RNF144A: variants seen among roughly 807,000 people sequenced by gnomAD.
RNF144A encodes ring finger protein 144A.
Under a neutral mutation model 38.7 loss-of-function variants are expected in RNF144A, and 11 were observed. The ratio of observed to expected loss-of-function variants is 0.28; its 90% CI spans 0.18 to 0.47. The LOEUF is 0.47. Among genes scored for constraint, RNF144A ranks in the 20% least tolerant of loss-of-function variants. The pLI, the probability that RNF144A is intolerant of heterozygous loss-of-function variation, is 0.99. For missense variants in RNF144A, 316 were observed against 377.2 expected (o/e 0.84, Z 1.34); for synonymous variants, 149 against 143.9 (o/e 1.04, Z -0.25).
intron 2 of RNF144A, among the ~76,000 whole-genome samples, chr2:6,969,802 C>T (rs1355493741): frequency 1.3e-5 from 2 of 152,166 alleles, no homozygotes; most frequent in Admixed American, 1.3e-4. Flanking sequence ...CGCTGTGTCG[C>T]CTAGGCTGGA....
At chr2:6,989,513 C>CT (rs1366834638) in intron 2 of RNF144A, among the ~76,000 whole-genome samples, 1 of 152,208 alleles carries the variant, frequency 6.6e-6, no homozygotes, top group Non-Finnish European at 1.5e-5. Context: ...TGGTCAGCAC[C>CT]TTTCCCCCAC....
chr2:7,049,902 A>AG, intron 6 of RNF144A, among the ~76,000 whole-genome samples: 1 of 152,356 alleles, frequency 6.6e-6, no homozygotes, highest in East Asian at 1.9e-4. Flanking sequence ...TAGGAGGGAA[A>AG]GCAGTCCAAA....
At chr2:7,055,058 T>C (rs1374776649) in intron 6 of RNF144A, among the ~76,000 whole-genome samples, 6 of 152,184 alleles carry the variant, frequency 3.9e-5, no homozygotes, top group African/African-American at 1.4e-4. Context: ...ATTGACAGGC[T>C]GGCACCTCCT....
chr2:6,942,136 T>TAC (rs1666033112), intron 2 of RNF144A, among the ~76,000 whole-genome samples: 2 of 152,316 alleles, frequency 1.3e-5, no homozygotes, highest in South Asian at 4.1e-4. Context: ...AGGACAAGGC[T>TAC]ACAGTCCAGG....
chr2:7,047,278 CTGTG>C (rs1673345030), downstream of RNF144A, among the ~76,000 whole-genome samples: 1 of 151,934 alleles, frequency 6.6e-6, no homozygotes, highest in African/African-American at 2.4e-5. Context: ...ATGTGTGTGA[CTGTG>C]TGTATGAATG....
At position 6,941,271 on chromosome 2, in the gene RNF144A, C is replaced by G. The variant is rs1665956768; in HGVS notation, c.-12+124C>G. 1 of 152,184 alleles carries G rather than the reference C, an allele frequency of 6.6e-6. No individual in the cohort carries two copies. Among genetic ancestry groups the G allele is most frequent in the Non-Finnish European group, 1.5e-5 (1 of 68,040 alleles). 9.4% of individuals were successfully genotyped at this position (152,184 alleles called of 1,614,324 possible). The stretch of plus-strand genomic sequence containing the variant: ...GGTGGATTTTTCTATACCTGTTAAG[C>G]CATACCATAAAGGCAATTTTCTAGT... On this transcript the variant is annotated intron_variant, in intron 2 of 8. Transcript: ENST00000320892. This position sits in a 1 kb window ranked among gnomAD's most constrained non-coding sequence, Gnocchi z 6.5.
chr2:7,067,902 C>T (rs1464001106), intron 6 of RNF144A, among the ~76,000 whole-genome samples: 1 of 152,164 alleles, frequency 6.6e-6, no homozygotes, highest in Non-Finnish European at 1.5e-5. Flanking sequence ...TCTCATTGTC[C>T]ATCATCCCCA....
intron 2 of RNF144A, among the ~76,000 whole-genome samples, chr2:6,983,687 T>C (rs1371253954): frequency 2.6e-5 from 4 of 152,168 alleles, no homozygotes; most frequent in African/African-American, 4.8e-5. Flanking sequence ...AATCCTCCTG[T>C]GTGGGCCCCC....
rs147610667 is a variant in RNF144A, at chr2:6,985,700, T to C, written c.-11-11216T>C. Among the ~76,000 whole-genome samples the C allele has an allele frequency of 3.5e-3, 534 of 152,266 alleles. 1 individual carries two copies. Among genetic ancestry groups the C allele is most frequent in the Non-Finnish European group, 5.8e-3 (393 of 68,036 alleles). On this transcript the variant is annotated intron_variant, in intron 2 of 8. Transcript: ENST00000320892. ...TTTATCTTTTGTTCTTGAGACGGAGTCTTGCTCTGTTGCACAGGCTGGAGT... is the reference window on the plus strand; with the variant it reads ...TTTATCTTTTGTTCTTGAGACGGAGCCTTGCTCTGTTGCACAGGCTGGAGT...
rs1041042930 is a variant in RNF144A at position 6,939,191 on chromosome 2, A to T, written c.-211-1757A>T. On this transcript the variant is annotated intron_variant, in intron 1 of 8. Transcript: ENST00000320892. ...TCCTAAAGCAGCTGCACCACTTTAC[A>T]TTCTCCCCAGCAATGTGTAAGGGTT... 2.7e-4 allele frequency among the ~76,000 whole-genome samples: 41 copies of T among 152,260 alleles called. 1 individual carries two copies. Among genetic ancestry groups the T allele is most frequent in the Admixed American group, 2.4e-3 (36 of 15,296 alleles).
chr2:6,973,543 G>A (rs765476957), intron 2 of RNF144A, among the ~76,000 whole-genome samples: 31 of 152,200 alleles, frequency 2.0e-4, no homozygotes, highest in Non-Finnish European at 3.4e-4. Context: ...CTGGCAGCAC[G>A]GTGCACACTG....
intron 1 of RNF144A, chr2:6,918,649 A>C (rs1357527348): frequency 6.7e-6 from 1 of 149,880 alleles, no homozygotes; most frequent in Non-Finnish European, 1.5e-5. Context: ...CTGTAGTCCC[A>C]GCTACTCGGG....
chr2:6,972,538 G>A (rs141894713), intron 2 of RNF144A, among the ~76,000 whole-genome samples: 229 of 152,316 alleles, frequency 1.5e-3, no homozygotes, highest in African/African-American at 5.2e-3. Context: ...CTGTGGGATT[G>A]GAAGATTCCC....
intron 6 of RNF144A, among the ~76,000 whole-genome samples, chr2:7,021,885 G>C (rs1485030618): frequency 1.3e-5 from 2 of 152,246 alleles, no homozygotes; most frequent in Non-Finnish European, 2.9e-5. Flanking sequence ...TTTGGAGCCT[G>C]ATGACTTAGT....
At position 7,024,418 on chromosome 2, in the gene RNF144A, A is replaced by C. The variant is rs1376989454; in HGVS notation, c.559A>C (p.Lys187Gln). ...TGACGCGCCCATCAAGCGCTGCCCC[A>C]AGTGCAAAGTCTACATCGAGCGAGA... ...EDDAPIKRCP[K>Q]CKVYIERDEG... The change falls in exon 7 of 9, where the codon AAG becomes CAG. Residue 187 changes from lysine (K) to glutamine (Q), a missense_variant. Coordinates refer to ENST00000320892, the MANE Select transcript of RNF144A (RefSeq NM_014746.6). The C allele has an allele frequency of 1.2e-6, 2 of 1,612,478 alleles. No individual in the cohort carries two copies. The highest frequency in any genetic ancestry group is 1.7e-6 in the Non-Finnish European group (2 of 1,178,496).
chr2:6,973,100 G>A (rs1668094418), intron 2 of RNF144A, among the ~76,000 whole-genome samples: 1 of 152,136 alleles, frequency 6.6e-6, no homozygotes, highest in Non-Finnish European at 1.5e-5. Flanking sequence ...TTTACTGAAG[G>A]GATTAAATGA....
At chr2:6,969,902 C>T (rs960653792) in intron 2 of RNF144A, among the ~76,000 whole-genome samples, 9 of 152,114 alleles carry the variant, frequency 5.9e-5, no homozygotes, top group South Asian at 2.1e-4. Context: ...GCTGGGACTA[C>T]AGGCGCACAC....
chr2:6,989,389 T>G (rs775753507), intron 2 of RNF144A, among the ~76,000 whole-genome samples: 1 of 152,240 alleles, frequency 6.6e-6, no homozygotes, highest in Non-Finnish European at 1.5e-5. Context: ...AAAGGGATAG[T>G]GGCTTCAGAA....
chr2:6,926,768 A>G (rs1415841716), intron 1 of RNF144A, among the ~76,000 whole-genome samples: 2 of 152,236 alleles, frequency 1.3e-5, no homozygotes, highest in Non-Finnish European at 2.9e-5. Context: ...TTCATTCACT[A>G]TAATATTCAT....
Sources: allele counts gnomAD v4.1 joint callset (sites outside exome capture counted in the v4.1 genomes callset), GRCh38; gene constraint gnomAD v4.1.1; non-coding constraint Gnocchi (gnomAD v3.1); transcripts MANE v1.5; gene names NCBI Gene and HGNC (gene_info 2026-07-23, HGNC 2026-07-21).